POTEF: variants seen among roughly 807,000 people sequenced by gnomAD.
POTEF encodes POTE ankyrin domain family member F.
In POTEF, 20 loss-of-function variants were observed where a neutral mutation model predicts 83.2. The observed-to-expected ratio is 0.24, with a 90% CI of 0.17 to 0.35. POTEF has a LOEUF of 0.35. Ranked by LOEUF, POTEF falls within the 10% of genes least tolerant of loss-of-function variation. The probability of loss-of-function intolerance (pLI) is 1.00; values close to 1 mark genes in which losing one functional copy is unlikely to be tolerated. For missense variants in POTEF, 550 were observed against 1,203.2 expected, an observed-to-expected ratio of 0.46 and a Z score of 8.03; for synonymous variants, 196 against 446.4, an observed-to-expected ratio of 0.44 and a Z score of 7.07.
chr2:130,125,175 CGTCTTTA>C (rs1276318585), intron 2 of POTEF, among the ~76,000 whole-genome samples: 1 of 140,440 alleles, frequency 7.1e-6, no homozygotes, highest in African/African-American at 2.8e-5. Context: ...GGAGCTGTGA[CGTCTTTA>C]GTCTTTAGAA....
intron 7 of POTEF, among the ~76,000 whole-genome samples, chr2:130,108,372 C>CA: frequency 6.6e-6 from 1 of 152,152 alleles, no homozygotes; most frequent in East Asian, 1.9e-4. Flanking sequence ...GTCCTAGCTC[C>CA]ATAATGAACA....
At chr2:130,094,964 A>T (rs1441924440) in intron 11 of POTEF, among the ~76,000 whole-genome samples, 5 of 151,702 alleles carry the variant, frequency 3.3e-5, no homozygotes, top group African/African-American at 1.2e-4. Context: ...CAAAGAGCCA[A>T]AACGATTTTA....
intron 7 of POTEF, chr2:130,109,702 C>A (rs1684655282): frequency 6.6e-6 from 1 of 150,708 alleles, no homozygotes; most frequent in South Asian, 2.1e-4. Context: ...CACCTAACAT[C>A]TGCCAGAGAA....
intron 13 of POTEF, among the ~76,000 whole-genome samples, chr2:130,087,564 G>C (rs1322674809): frequency 1.3e-5 from 1 of 74,692 alleles, no homozygotes; most frequent in Non-Finnish European, 2.4e-5. Context: ...TATTAAATTA[G>C]AATCTATTGA....
intron 1 of POTEF, among the ~76,000 whole-genome samples, 189 bp downstream of exon 1, chr2:130,128,883 C>T (rs1315369274): frequency 3.2e-5 from 4 of 126,788 alleles, no homozygotes; most frequent in Admixed American, 1.6e-4. Context: ...CCCATCACCC[C>T]CGCCACCACG....
chr2:130,103,102 CT>C (rs60152509), intron 8 of POTEF, among the ~76,000 whole-genome samples: 1,487 of 126,416 alleles, frequency 0.012, 20 homozygotes, highest in African/African-American at 0.04. Context: ...TTCTTTCTTT[CT>C]TTTTTTTTTT....
intron 11 of POTEF, among the ~76,000 whole-genome samples, chr2:130,094,849 CATA>C (rs201940656): frequency 0.17 from 7,382 of 43,700 alleles, 1 homozygote; most frequent in Non-Finnish European, 0.21. Context: ...CTCAGTTTAC[CATA>C]ATGACAATTA....
chr2:130,116,979 C>G (rs543749340), intron 3 of POTEF, among the ~76,000 whole-genome samples: 6 of 140,498 alleles, frequency 4.3e-5, no homozygotes, highest in Non-Finnish European at 9.1e-5. Flanking sequence ...GTAGAATATG[C>G]CTGCCACATA....
intron 2 of POTEF, among the ~76,000 whole-genome samples, chr2:130,121,409 G>C (rs1259937961): frequency 7.5e-6 from 1 of 133,634 alleles, no homozygotes; most frequent in East Asian, 2.2e-4. Context: ...TCCTGGCGGT[G>C]CTGTTGTGCA....
intron 7 of POTEF, 132 bp downstream of exon 7, chr2:130,110,411 A>G: frequency 6.3e-7 from 1 of 1,589,112 alleles, no homozygotes. Flanking sequence ...GATGCAGGGG[A>G]CTAAAACTCA....
At chr2:130,103,052 A>C (rs1025338801) in intron 8 of POTEF, among the ~76,000 whole-genome samples, 1 of 150,068 alleles carries the variant, frequency 6.7e-6, no homozygotes, top group Non-Finnish European at 1.5e-5. Context: ...CAATATCTAA[A>C]ATGTTTTCCT....
intron 7 of POTEF, chr2:130,109,244 T>C (rs943313283): frequency 6.8e-6 from 1 of 147,852 alleles, no homozygotes; most frequent in Non-Finnish European, 1.5e-5. Context: ...TGCCTCCTTA[T>C]GCAGAAGCCA....
At position 130,074,885 on chromosome 2, in the gene POTEF, C is replaced by G. The variant is rs747318223; in HGVS notation, c.2587G>C (p.Val863Leu). Reference sequence around the variant, plus strand: ...AGGGCATTCCCCTCATAGATGGGCACAGTGTGGGTGACCCCGTCACCAGAG... The same window carrying G: ...AGGGCATTCCCCTCATAGATGGGCAGAGTGTGGGTGACCCCGTCACCAGAG... ...MDSGDGVTHT[V>L]PIYEGNALPH... The change falls in exon 17 of 17, where the codon GTG becomes CTG. Residue 863 changes from valine to leucine, a missense_variant. By Grantham distance (32) the Val-to-Leu change is conservative (BLOSUM62 1). Transcript: ENST00000409914. 5 of 1,584,840 alleles carry G rather than the reference C, an allele frequency of 3.2e-6. No homozygotes were observed. In the East Asian group the frequency reaches 6.8e-5, roughly 22 times the overall value.
intron 9 of POTEF, 95 bp from the exon 10 acceptor site, chr2:130,100,815 C>T: frequency 3.4e-6 from 5 of 1,474,458 alleles, no homozygotes; most frequent in Non-Finnish European, 2.7e-6. Context: ...TTATTCTTAA[C>T]TAATCAAGTA....
chr2:130,080,143 TGCGGG>T (rs1185823323), intron 15 of POTEF, among the ~76,000 whole-genome samples: 3 of 5,322 alleles, frequency 5.6e-4, no homozygotes, highest in African/African-American at 1.8e-3. Context: ...GCCAAACTAT[TGCGGG>T]GGGGGGGGGG....
At chr2:130,107,390 GTTC>G (rs1684569583) in intron 8 of POTEF, among the ~76,000 whole-genome samples, 1 of 151,054 alleles carries the variant, frequency 6.6e-6, no homozygotes, top group African/African-American at 2.5e-5. Flanking sequence ...GTGCTTCAGT[GTTC>G]TTTTGTGATC....
chr2:130,121,006 C>G (rs1181100829), intron 2 of POTEF: 1 of 226,042 alleles, frequency 4.4e-6, no homozygotes, highest in Non-Finnish European at 8.3e-6. Context: ...CAAGCCGTTA[C>G]GCGCGTGCGG....
chr2:130,074,033 C>T lies in POTEF; in HGVS notation c.*211G>A. 1 of 932,452 alleles carries T rather than the reference C, an allele frequency of 1.1e-6. No individual in the cohort carries two copies. 57.8% of individuals were successfully genotyped at this position (932,452 alleles called of 1,614,324 possible). A position where few individuals can be genotyped will look rare whatever the true frequency, so the allele number is the denominator to read the frequency against. On this transcript the variant is annotated 3_prime_UTR_variant, in exon 17 of 17. Coordinates refer to ENST00000409914, the MANE Select transcript of POTEF (RefSeq NM_001099771.2). ...AGAAGAACAAGGTACAATCAAAGTC[C>T]TTGGCCACATTGTAGAACTTTGGAG...
intron 2 of POTEF, among the ~76,000 whole-genome samples, chr2:130,123,569 G>T (rs1351758367): frequency 4.6e-5 from 7 of 151,748 alleles, no homozygotes; most frequent in Non-Finnish European, 1.0e-4. Flanking sequence ...TGTATATTCT[G>T]TAAGTGACAT....
Sources: allele counts gnomAD v4.1 joint callset (sites outside exome capture counted in the v4.1 genomes callset), GRCh38; gene constraint gnomAD v4.1.1; transcripts MANE v1.5; gene names NCBI Gene and HGNC (gene_info 2026-07-23, HGNC 2026-07-21).